NME7: variants seen among roughly 807,000 people sequenced by gnomAD.
NME7 encodes the protein nucleoside diphosphate kinase 7.
In NME7, 41 loss-of-function variants were observed where a neutral mutation model predicts 49.1. The ratio of observed to expected loss-of-function variants is 0.83; its 90% CI spans 0.65 to 1.08. NME7 has a LOEUF of 1.08. NME7 is among the 50% of genes least tolerant of loss of function. The pLI is 0.00. For synonymous variants in NME7, 139 were observed against 150.6 expected, an observed-to-expected ratio of 0.92 and a Z score of 0.56; for missense variants, 423 against 463.4, an observed-to-expected ratio of 0.91 and a Z score of 0.80.
chr1:169,192,894 A>C (rs2101765921), intron 10 of NME7, among the ~76,000 whole-genome samples: 1 of 152,246 alleles, frequency 6.6e-6, no homozygotes, highest in African/African-American at 2.4e-5. Flanking sequence ...CTCCTTTTTG[A>C]AGCACTCCTG....
At chr1:169,339,740 G>C (rs1489450973) in intron 1 of NME7, among the ~76,000 whole-genome samples, 2 of 152,116 alleles carry the variant, frequency 1.3e-5, no homozygotes, top group Non-Finnish European at 2.9e-5. Flanking sequence ...TTCTAAGCCT[G>C]GTCAGCTGAC....
intron 3 of NME7, among the ~76,000 whole-genome samples, chr1:169,311,008 A>G (rs892690376): frequency 2.6e-5 from 4 of 152,188 alleles, no homozygotes; most frequent in Non-Finnish European, 5.9e-5. Context: ...TTCCCTCTGC[A>G]TTTCCAGTTG....
At chr1:169,194,022 C>T (rs1266195221) in intron 10 of NME7, among the ~76,000 whole-genome samples, 1 of 151,754 alleles carries the variant, frequency 6.6e-6, no homozygotes, top group Non-Finnish European at 1.5e-5. Flanking sequence ...TTATGAGAAT[C>T]ATTCAGATAA....
At chr1:169,139,814 A>G (rs1369660359) in intron 11 of NME7, among the ~76,000 whole-genome samples, 1 of 152,198 alleles carries the variant, frequency 6.6e-6, no homozygotes, top group Non-Finnish European at 1.5e-5. Flanking sequence ...CAAGTCATGA[A>G]CAGCAGAGGC....
At chr1:169,176,255 T>C (rs1659747553) in intron 10 of NME7, among the ~76,000 whole-genome samples, 1 of 152,142 alleles carries the variant, frequency 6.6e-6, no homozygotes, top group Admixed American at 6.5e-5. Flanking sequence ...TTCTGCTAAG[T>C]CTAAGGATCC....
Position 169,287,459 on chromosome 1 carries a change from T to G in NME7, c.649-51A>C, listed in dbSNP as rs745774745. ...ACAAATGTGATCTCTTATCTTGAAC[T>G]TACAAGATATTTCTGTGGGGGAGGA... is the stretch of plus-strand genomic sequence containing the variant. On this transcript the variant is annotated intron_variant, in intron 6 of 11. Transcript: ENST00000367811. 4 of 1,224,542 alleles carry G rather than the reference T, an allele frequency of 3.3e-6. No homozygotes were observed. In the African/African-American group the frequency reaches 6.2e-5, roughly 19 times the overall value. The allele number at this position is 1,224,542 out of a possible 1,614,324, so 75.9% of individuals were successfully genotyped here. A position where few individuals can be genotyped will look rare whatever the true frequency, so the allele number is the denominator to read the frequency against.
At chr1:169,333,467 G>A (rs547178631) in intron 1 of NME7, among the ~76,000 whole-genome samples, 1 of 150,314 alleles carries the variant, frequency 6.7e-6, no homozygotes. Flanking sequence ...CTTAAAGAGT[G>A]TAACTGCATT....
At chr1:169,155,156 CCT>C (rs1659031143) in intron 11 of NME7, among the ~76,000 whole-genome samples, 1 of 152,088 alleles carries the variant, frequency 6.6e-6, no homozygotes. Context: ...AGTTTACATT[CCT>C]CTTTGACCTA....
chr1:169,195,570 A>G (rs1031002916), intron 10 of NME7, among the ~76,000 whole-genome samples: 25 of 152,136 alleles, frequency 1.6e-4, no homozygotes, highest in African/African-American at 6.0e-4. Context: ...CATTTCTCCA[A>G]CTATAAGATG....
At chr1:169,167,359 A>T (rs1191181315) in intron 11 of NME7, among the ~76,000 whole-genome samples, 1 of 152,044 alleles carries the variant, frequency 6.6e-6, no homozygotes, top group Non-Finnish European at 1.5e-5. Context: ...ATTTTTTTTT[A>T]AAAGACTAAT....
chr1:169,172,565 C>A (rs563854480), intron 10 of NME7, among the ~76,000 whole-genome samples: 1 of 152,252 alleles, frequency 6.6e-6, no homozygotes, highest in African/African-American at 2.4e-5. Context: ...ATCTTTAGTT[C>A]ATTTTTCATG....
At chr1:169,171,821 T>C (rs952350854) in intron 10 of NME7, among the ~76,000 whole-genome samples, 24 of 149,258 alleles carry the variant, frequency 1.6e-4, no homozygotes, top group African/African-American at 5.4e-4. Flanking sequence ...TTTTTTTTTC[T>C]TTTTTTTTAT....
intron 10 of NME7, among the ~76,000 whole-genome samples, chr1:169,170,016 A>T (rs1010512147): frequency 6.6e-6 from 1 of 152,208 alleles, no homozygotes; most frequent in African/African-American, 2.4e-5. Flanking sequence ...GTACAAAAAA[A>T]TTTAAATTGA....
chr1:169,174,879 AC>A (rs1359141250), intron 10 of NME7, among the ~76,000 whole-genome samples: 1 of 152,334 alleles, frequency 6.6e-6, no homozygotes, highest in East Asian at 1.9e-4. Flanking sequence ...ACTGTATACT[AC>A]TGCAGACTTT....
intron 7 of NME7, among the ~76,000 whole-genome samples, chr1:169,279,810 G>A (rs973288628): frequency 6.6e-6 from 1 of 152,186 alleles, no homozygotes; most frequent in Non-Finnish European, 1.5e-5. Flanking sequence ...GACTGGAGCT[G>A]TTCCTATTCG....
At chr1:169,341,706 A>G (rs1652708336) in intron 1 of NME7, among the ~76,000 whole-genome samples, 1 of 152,180 alleles carries the variant, frequency 6.6e-6, no homozygotes. Flanking sequence ...CACCTCTTCC[A>G]TCAGCATGCC....
intron 10 of NME7, among the ~76,000 whole-genome samples, chr1:169,203,529 C>T (rs1660602042): frequency 6.6e-6 from 1 of 152,120 alleles, no homozygotes; most frequent in Admixed American, 6.6e-5. Flanking sequence ...GAAGATTTAA[C>T]ATTTGAATGT....
chr1:169,227,652 C>T (rs973342967), intron 10 of NME7, among the ~76,000 whole-genome samples: 2 of 152,076 alleles, frequency 1.3e-5, no homozygotes, highest in African/African-American at 4.8e-5. Flanking sequence ...GCTCAGGTCT[C>T]CCTTCCTCTT....
chr1:169,320,421 C>T (rs1334599694), intron 3 of NME7, among the ~76,000 whole-genome samples: 1 of 152,134 alleles, frequency 6.6e-6, no homozygotes, highest in Non-Finnish European at 1.5e-5. Context: ...GGATCAATTT[C>T]ACTCATCCTC....
Sources: allele counts gnomAD v4.1 joint callset (sites outside exome capture counted in the v4.1 genomes callset), GRCh38; gene constraint gnomAD v4.1.1; transcripts MANE v1.5; gene names NCBI Gene and HGNC (gene_info 2026-07-23, HGNC 2026-07-21).